Variants in VPS8 observed in about 807,000 individuals in gnomAD.
VPS8 encodes the protein VPS8 subunit of CORVET complex.
A neutral mutation model predicts 216.4 loss-of-function variants in VPS8; 129 were observed. The observed-to-expected ratio is 0.60, with a 90% confidence interval of 0.52 to 0.69. The LOEUF is 0.69. Ranked by LOEUF, VPS8 falls within the 30% of genes least tolerant of loss-of-function variation. VPS8 has a pLI of 0.00. For synonymous variants in VPS8, 571 were observed against 565.4 expected (o/e 1.01, Z -0.14); for missense variants, 1,531 against 1,683.5 (o/e 0.91, Z 1.59).
intron 15 of VPS8, among the ~76,000 whole-genome samples, chr3:184,861,732 C>T (rs572476809): frequency 8.6e-4 from 131 of 152,282 alleles, no homozygotes; most frequent in African/African-American, 3.0e-3. Flanking sequence ...TGCAACGCTG[C>T]GGGTCTAATC....
At chr3:184,867,730 C>T (rs1379168298) in intron 17 of VPS8, among the ~76,000 whole-genome samples, 1 of 152,146 alleles carries the variant, frequency 6.6e-6, no homozygotes, top group African/African-American at 2.4e-5. Context: ...CCTGTAATCT[C>T]AGCTACTCGA....
At chr3:185,018,330 T>C (rs1464021205) in intron 45 of VPS8, among the ~76,000 whole-genome samples, 6 of 152,242 alleles carry the variant, frequency 3.9e-5, no homozygotes, top group Non-Finnish European at 8.8e-5. Context: ...GTCCCTGCTT[T>C]ACAGCACTAA....
chr3:184,862,491 A>G (rs1284164837), intron 15 of VPS8, among the ~76,000 whole-genome samples: 2 of 152,158 alleles, frequency 1.3e-5, no homozygotes, highest in African/African-American at 4.8e-5. Context: ...AGTGCTAACA[A>G]TTGTCCTCTG....
At chr3:184,842,326 CTT>C (rs1722341766) in intron 7 of VPS8, among the ~76,000 whole-genome samples, 1 of 148,496 alleles carries the variant, frequency 6.7e-6, no homozygotes, top group South Asian at 2.1e-4. Flanking sequence ...TTGATACTGT[CTT>C]TTTAATTTCC....
intron 8 of VPS8, among the ~76,000 whole-genome samples, chr3:184,845,232 T>TAG (rs1206415931): frequency 4.6e-5 from 7 of 152,192 alleles, no homozygotes; most frequent in African/African-American, 1.7e-4. Flanking sequence ...ATTTTGTTCT[T>TAG]TACATGTATC....
At chr3:184,858,442 G>A (rs1351319798) in intron 14 of VPS8, among the ~76,000 whole-genome samples, 1 of 152,182 alleles carries the variant, frequency 6.6e-6, no homozygotes, top group Admixed American at 6.5e-5. Flanking sequence ...AGAACTGAAG[G>A]TCTTGGGAAT....
chr3:184,989,868 C>T (rs1056669867), intron 42 of VPS8, among the ~76,000 whole-genome samples: 2 of 151,848 alleles, frequency 1.3e-5, no homozygotes, highest in African/African-American at 2.4e-5. Flanking sequence ...GTCAGGAGAT[C>T]GAGACCATCC....
At chr3:184,895,088 CCTAGGACT>C (rs1215650044) in intron 23 of VPS8, among the ~76,000 whole-genome samples, 163 bp downstream of exon 23, 2 of 152,164 alleles carry the variant, frequency 1.3e-5, no homozygotes, top group Non-Finnish European at 2.9e-5. Context: ...CAATATATTT[CCTAGGACT>C]GTATTTAAGT....
chr3:184,824,857 G>A (rs1427098879), intron 2 of VPS8, 72 bp downstream of exon 2: 1 of 1,427,880 alleles, frequency 7.0e-7, no homozygotes, highest in Non-Finnish European at 9.5e-7. Flanking sequence ...GTGACCCAGA[G>A]ACTCTAAGTC....
In VPS8 at chr3:184,853,847, G is replaced by T. The variant is rs778804566; in HGVS notation, c.822-10G>T. ...TAAATTGATTCTGAATTTTCAAATTGCATTTTCAGGAGAGTGATGGGAGTG... is the reference window on the plus strand; with the variant it reads ...TAAATTGATTCTGAATTTTCAAATTTCATTTTCAGGAGAGTGATGGGAGTG... On this transcript the variant is annotated splice_polypyrimidine_tract_variant and intron_variant, in intron 11 of 47. Transcript: ENST00000625842. 1 of 1,558,836 alleles carries T rather than the reference G, an allele frequency of 6.4e-7. No homozygotes were observed. Among genetic ancestry groups the T allele is most frequent in the Admixed American group, 1.9e-5 (1 of 51,396 alleles).
intron 45 of VPS8, among the ~76,000 whole-genome samples, chr3:185,021,134 A>G: frequency 6.6e-6 from 1 of 152,234 alleles, no homozygotes; most frequent in Middle Eastern, 3.2e-3. Flanking sequence ...ACTTCAGCTC[A>G]GATTGCTTCA....
chr3:184,884,999 A>G (rs1730949856), intron 21 of VPS8, among the ~76,000 whole-genome samples: 1 of 152,214 alleles, frequency 6.6e-6, no homozygotes, highest in Non-Finnish European at 1.5e-5. Context: ...TGTAGCTCTA[A>G]CACTTTTCAA....
intron 46 of VPS8, among the ~76,000 whole-genome samples, chr3:185,040,589 A>G (rs887032766): frequency 6.6e-6 from 1 of 152,010 alleles, no homozygotes; most frequent in African/African-American, 2.4e-5. Flanking sequence ...GAGTATTACC[A>G]TTGTACTTCA....
At chr3:184,886,442 T>G (rs1731241740) in intron 22 of VPS8, among the ~76,000 whole-genome samples, 1 of 151,774 alleles carries the variant, frequency 6.6e-6, no homozygotes, top group Non-Finnish European at 1.5e-5. Flanking sequence ...AAGTAAAAAG[T>G]GTATGATTCA....
chr3:184,911,881 T>G (rs1297003571), intron 25 of VPS8, among the ~76,000 whole-genome samples: 1 of 152,136 alleles, frequency 6.6e-6, no homozygotes, highest in East Asian at 1.9e-4. Context: ...GAACAAACCA[T>G]GTATGAAGTT....
chr3:185,017,688 T>G (rs1315546478), intron 45 of VPS8, among the ~76,000 whole-genome samples: 1 of 152,234 alleles, frequency 6.6e-6, no homozygotes, highest in African/African-American at 2.4e-5. Context: ...TGGGACCTTT[T>G]GCGGGGGTTC....
chr3:184,855,569 C>A (rs1577916313), intron 13 of VPS8, 142 bp from the exon 14 acceptor site: 1 of 678,172 alleles, frequency 1.5e-6, no homozygotes, highest in Non-Finnish European at 2.5e-6. Context: ...ATGATACCTC[C>A]CAGTTAGTTC....
intron 10 of VPS8, among the ~76,000 whole-genome samples, chr3:184,851,919 T>C (rs980058387): frequency 1.3e-5 from 2 of 152,246 alleles, no homozygotes; most frequent in African/African-American, 4.8e-5. Flanking sequence ...ACATGACTTA[T>C]TATTCTGAGT....
At chr3:184,922,371 G>A in intron 29 of VPS8, 2 of 449,156 alleles carry the variant, frequency 4.5e-6, no homozygotes, top group South Asian at 1.6e-5. Flanking sequence ...CCTGAAGGTA[G>A]AGACTGTGAG....
Sources: allele counts gnomAD v4.1 joint callset (sites outside exome capture counted in the v4.1 genomes callset), GRCh38; gene constraint gnomAD v4.1.1; transcripts MANE v1.5; gene names NCBI Gene and HGNC (gene_info 2026-07-23, HGNC 2026-07-21).